The following TMEM181 variants were observed in gnomAD, a reference collection of about 807,000 sequenced individuals.
TMEM181 encodes transmembrane protein 181, also known as G protein-coupled receptor 178.
TMEM181 carries 39 observed loss-of-function variants against 71.9 expected under a neutral mutation model. The ratio of observed to expected loss-of-function variants is 0.54; its 90% confidence interval spans 0.42 to 0.71. The LOEUF (loss-of-function observed/expected upper bound fraction) is 0.71, where lower values mean the gene tolerates loss of function less well. TMEM181 is among the 30% of genes least tolerant of loss of function. The pLI, the probability that TMEM181 is intolerant of heterozygous loss-of-function variation, is 0.00. For synonymous variants in TMEM181, 245 were observed against 228.8 expected, an observed-to-expected ratio of 1.07 and a Z score of -0.64; for missense variants, 595 against 583.0, an observed-to-expected ratio of 1.02 and a Z score of -0.21.
upstream of TMEM181, among the ~76,000 whole-genome samples, chr6:158,558,331 T>C (rs948391466): frequency 1.3e-5 from 2 of 152,208 alleles, no homozygotes; most frequent in African/African-American, 4.8e-5. Context: ...GGGTTTAAGA[T>C]ATTTTTTCGA....
chr6:158,562,794 T>A (rs996228719), intron 1 of TMEM181, among the ~76,000 whole-genome samples: 1 of 152,188 alleles, frequency 6.6e-6, no homozygotes, highest in Non-Finnish European at 1.5e-5. Flanking sequence ...AAGATAACTG[T>A]GAGTGTTCAC....
chr6:158,583,992 A>G lies in TMEM181; in HGVS notation c.207A>G (p.Thr69=), dbSNP rs771690441. The change falls in exon 4 of 17, where the codon ACA becomes ACG. Residue 69 remains threonine (T), a synonymous_variant. Transcript: ENST00000684151. ...AAATACTTTCAAATCCACTGTCTAC[A>G]TACAATCAGCAACTATGGCTGACAT... The part of the protein sequence containing the change: ...PIQILSNPLS[T]YNQQLWLTCV... 29 of 1,612,012 alleles carry G rather than the reference A, an allele frequency of 1.8e-5. No individual in the cohort carries two copies. The highest frequency in any genetic ancestry group is 6.7e-5 in the East Asian group (3 of 44,850).
At chr6:158,558,178 G>A (rs114075599), upstream of TMEM181, among the ~76,000 whole-genome samples, 1 of 152,198 alleles carries the variant, frequency 6.6e-6, no homozygotes, top group East Asian at 1.9e-4. Context: ...GTTTCCTCTC[G>A]CTGGAGATGC....
rs1464192928 is a variant in TMEM181, at chr6:158,604,961, A to G, written c.493-306A>G. 2.6e-5 allele frequency among the ~76,000 whole-genome samples: 4 copies of G among 152,078 alleles called. No homozygotes were observed. In the East Asian group the frequency reaches 5.8e-4, roughly 22 times the overall value. On this transcript the variant is annotated intron_variant, in intron 6 of 16. Coordinates refer to ENST00000684151, the MANE Select transcript of TMEM181 (RefSeq NM_001376852.1). ...ATTTTGGAACATGTAGGATGTTCCA[A>G]AATTTTAACCTGCATGGTGGCAGGC...
intron 3 of TMEM181, 57 bp downstream of exon 3, chr6:158,581,052 A>G (rs1345127336): frequency 1.3e-6 from 2 of 1,508,470 alleles, no homozygotes; most frequent in African/African-American, 2.7e-5. Context: ...ACCTCAGGTC[A>G]CTGAGAAATG....
intron 1 of TMEM181, among the ~76,000 whole-genome samples, chr6:158,545,147 A>G (rs2033968): frequency 1.3e-5 from 2 of 151,928 alleles, no homozygotes; most frequent in Non-Finnish European, 2.9e-5. Flanking sequence ...TGCTATGCCT[A>G]CTCCGAACGT....
At chr6:158,559,568 G>C (rs940937758), upstream of TMEM181, among the ~76,000 whole-genome samples, 3 of 152,166 alleles carry the variant, frequency 2.0e-5, no homozygotes, top group African/African-American at 7.2e-5. Flanking sequence ...AAGTGCTTTT[G>C]GTCCACTGGT....
chr6:158,617,936 G>T (rs1201931508), intron 10 of TMEM181, among the ~76,000 whole-genome samples: 1 of 152,250 alleles, frequency 6.6e-6, no homozygotes, highest in Admixed American at 6.5e-5. Context: ...ATGTGGTGCT[G>T]AGAAGAATGT....
intron 5 of TMEM181, among the ~76,000 whole-genome samples, chr6:158,588,727 C>T (rs1203985547): frequency 2.0e-5 from 3 of 152,222 alleles, no homozygotes; most frequent in Admixed American, 6.5e-5. Flanking sequence ...GGATTACAGG[C>T]GTGAGCCACC....
At position 158,544,182 on chromosome 6, in the gene TMEM181, A is replaced by T. The variant is rs797002661; in HGVS notation, c.131+7317A>T. On this transcript the variant is annotated intron_variant, in intron 1 of 16. Transcript: ENST00000367090. ...GGTTTCTCAGGTGCAAATTGGAGAG[A>T]GTGTGTGTGTGTGTGTGTGTGTGTG... Among the ~76,000 whole-genome samples the T allele has an allele frequency of 5.3e-3, 676 of 127,656 alleles. 7 individuals are homozygous for T. Among genetic ancestry groups the T allele is most frequent in the African/African-American group, 0.015 (509 of 32,950 alleles). 83.7% of individuals were successfully genotyped at this position (127,656 alleles called of 152,430 possible).
At chr6:158,554,060 C>A (rs1414302179) in intron 1 of TMEM181, among the ~76,000 whole-genome samples, 1 of 151,936 alleles carries the variant, frequency 6.6e-6, no homozygotes, top group East Asian at 1.9e-4. Context: ...GTGCCAGCCA[C>A]CACGCCTGGC....
intron 15 of TMEM181, 151 bp downstream of exon 15, chr6:158,629,970 A>G (rs1241730514): frequency 1.4e-6 from 1 of 694,246 alleles, no homozygotes; most frequent in East Asian, 2.7e-5. Context: ...TGAAATGTCG[A>G]GCTCTGAGGT....
chr6:158,573,426 G>A lies in TMEM181; in HGVS notation c.15G>A (p.Ala5=). The A allele has an allele frequency of 1.3e-6, 2 of 1,580,920 alleles. No homozygotes were observed. Among genetic ancestry groups the A allele is most frequent in the East Asian group, 2.4e-5 (1 of 42,428 alleles). Residue 5 remains alanine, a synonymous_variant, in exon 2 of 17, where the codon GCG becomes GCA. Coordinates refer to ENST00000684151, the MANE Select transcript of TMEM181 (RefSeq NM_001376852.1). ...TGCTGGCTTCTGCCCCCAGGCTGGC[G>A]CCCATGCGGCTCTACACGCTCTCCA... is the stretch of plus-strand genomic sequence containing the variant. The part of the protein sequence containing the change: MEPL[A]PMRLYTLSKR...
chr6:158,621,166 C>G (rs750884360), intron 10 of TMEM181, among the ~76,000 whole-genome samples: 1 of 152,208 alleles, frequency 6.6e-6, no homozygotes, highest in African/African-American at 2.4e-5. Flanking sequence ...ACCCACTGTT[C>G]TACTGGGGCA....
chr6:158,622,848 G>A (rs912878325), intron 10 of TMEM181, among the ~76,000 whole-genome samples: 2 of 152,160 alleles, frequency 1.3e-5, no homozygotes, highest in Non-Finnish European at 2.9e-5. Flanking sequence ...ATCTTGGGTG[G>A]CTCCTGGCTT....
intron 1 of TMEM181, among the ~76,000 whole-genome samples, chr6:158,566,069 C>G (rs1249361092): frequency 6.6e-6 from 1 of 152,146 alleles, no homozygotes; most frequent in Non-Finnish European, 1.5e-5. Context: ...AGTAGAATAT[C>G]TGAGGTGAAT....
At position 158,605,131 on chromosome 6, in the gene TMEM181, AGTGT is replaced by A. The variant is rs71030178; in HGVS notation, c.493-111_493-108del. 463 of 160,990 alleles carry A rather than the reference AGTGT, an allele frequency of 2.9e-3. 4 individuals are homozygous for A. The highest frequency in any genetic ancestry group is 0.012 in the African/African-American group (315 of 25,816). The allele number at this position is 160,990 out of a possible 1,614,324, so 10.0% of individuals were successfully genotyped here. On this transcript the variant is annotated intron_variant, in intron 6 of 16. Transcript: ENST00000684151. ...TCCATATCCAAAAAAAAAAAAAAAA[AGTGT>A]GTGTGTGTGTGTGTGTGTGTGTGTA... is the stretch of plus-strand genomic sequence containing the variant.
At chr6:158,544,233 GTA>G (rs1425072662) in intron 1 of TMEM181, among the ~76,000 whole-genome samples, 2 of 150,350 alleles carry the variant, frequency 1.3e-5, no homozygotes, top group African/African-American at 4.9e-5. Context: ...GTGAGGGAGA[GTA>G]TGCAATGAAG....
chr6:158,603,880 C>A (rs1464653637), intron 6 of TMEM181, among the ~76,000 whole-genome samples: 1 of 152,066 alleles, frequency 6.6e-6, no homozygotes, highest in East Asian at 1.9e-4. Flanking sequence ...GGTTTTATAT[C>A]TTATAAATAT....
Sources: allele counts gnomAD v4.1 joint callset (sites outside exome capture counted in the v4.1 genomes callset), GRCh38; gene constraint gnomAD v4.1.1; transcripts MANE v1.5; gene names NCBI Gene and HGNC (gene_info 2026-07-23, HGNC 2026-07-21).